The following SUGT1 variants were observed in gnomAD, a reference collection of about 807,000 sequenced individuals.
SUGT1 encodes protein SGT1 homolog.
A neutral mutation model predicts 56.1 loss-of-function variants in SUGT1; 15 were observed. The ratio of observed to expected loss-of-function variants is 0.27; its 90% confidence interval spans 0.18 to 0.41. The LOEUF (loss-of-function observed/expected upper bound fraction) is 0.41. SUGT1 is among the 10% of genes least tolerant of loss of function. The probability of loss-of-function intolerance (pLI) is 1.00; values close to 1 mark genes in which losing one functional copy is unlikely to be tolerated. For synonymous variants in SUGT1, 123 were observed against 128.6 expected, an observed-to-expected ratio of 0.96 and a Z score of 0.30; for missense variants, 347 against 382.2, an observed-to-expected ratio of 0.91 and a Z score of 0.77.
chr13:52,658,963 A>G (rs989928739), intron 4 of SUGT1, among the ~76,000 whole-genome samples: 3 of 152,106 alleles, frequency 2.0e-5, no homozygotes, highest in Non-Finnish European at 4.4e-5. Flanking sequence ...CTGTACAATT[A>G]AAGTCAGATT....
intron 8 of SUGT1, among the ~76,000 whole-genome samples, chr13:52,664,535 G>T (rs1214908033): frequency 6.6e-6 from 1 of 152,176 alleles, no homozygotes; most frequent in Non-Finnish European, 1.5e-5. Context: ...ATTAGCCTGT[G>T]TACAGCTTGT....
At chr13:52,657,378 C>T (rs1224079439) in intron 2 of SUGT1, among the ~76,000 whole-genome samples, 154 bp from the exon 3 acceptor site, 1 of 152,114 alleles carries the variant, frequency 6.6e-6, no homozygotes, top group Non-Finnish European at 1.5e-5. Flanking sequence ...AGATATTGAT[C>T]CTTTTATAAG....
In SUGT1 at chr13:52,696,206, A is replaced by G. The variant is rs922771726; in HGVS notation, c.*8371A>G. 1 of 152,100 alleles carries G rather than the reference A, an allele frequency of 6.6e-6. No individual in the cohort carries two copies. The highest frequency in any genetic ancestry group is 2.4e-5 in the African/African-American group (1 of 41,390). 9.4% of individuals were successfully genotyped at this position (152,100 alleles called of 1,614,324 possible). The stretch of plus-strand genomic sequence containing the variant: ...AGAACAGGCTCCCAGAATTGGATGG[A>G]TTTGCTCATGGTCTTATCACTGCAC... On this transcript the variant is annotated 3_prime_UTR_variant, in exon 13 of 13. Transcript: ENST00000310528.
At chr13:52,673,754 G>A (rs1424875560) in intron 10 of SUGT1, among the ~76,000 whole-genome samples, 1 of 152,122 alleles carries the variant, frequency 6.6e-6, no homozygotes, top group Non-Finnish European at 1.5e-5. Context: ...TACTTTCCAG[G>A]CCCTCATTTT....
intron 8 of SUGT1, among the ~76,000 whole-genome samples, chr13:52,664,653 T>G (rs1962609710): frequency 6.6e-6 from 1 of 152,088 alleles, no homozygotes; most frequent in Non-Finnish European, 1.5e-5. Flanking sequence ...TTAATCAAGG[T>G]GGTTTTGGAT....
At chr13:52,666,747 G>C in intron 9 of SUGT1, 65 bp from the exon 10 acceptor site, 1 of 987,864 alleles carries the variant, frequency 1.0e-6, no homozygotes, top group South Asian at 1.4e-5. Flanking sequence ...TCATTATTTT[G>C]TGTAGGTTTT....
chr13:52,661,063 C>T (rs560205070), intron 5 of SUGT1, among the ~76,000 whole-genome samples: 13 of 152,184 alleles, frequency 8.5e-5, no homozygotes, highest in Non-Finnish European at 1.0e-4. Context: ...CTGCCTGCCT[C>T]GGCCTCTGAA....
chr13:52,681,071 C>T (rs1168435108), intron 12 of SUGT1, among the ~76,000 whole-genome samples: 3 of 152,120 alleles, frequency 2.0e-5, no homozygotes, highest in Non-Finnish European at 4.4e-5. Flanking sequence ...CTCCTGGCTT[C>T]AAGCAATCTA....
intron 8 of SUGT1, 125 bp from the exon 9 acceptor site, chr13:52,665,512 G>GTAGT (rs35325503): frequency 0.95 from 594,663 of 625,124 alleles, 283,120 homozygotes; most frequent in East Asian, 0.99. Context: ...CTGTGAATCA[G>GTAGT]TAGTTGCTTT....
Position 52,690,503 on chromosome 13 carries a change from A to G in SUGT1, c.*2668A>G, listed in dbSNP as rs1469218348. 6.6e-6 allele frequency: 1 copy of G among 152,164 alleles called. No homozygotes were observed. Among genetic ancestry groups the G allele is most frequent in the Non-Finnish European group, 1.5e-5 (1 of 68,036 alleles). The allele number at this position is 152,164 out of a possible 1,614,324, so 9.4% of individuals were successfully genotyped here. The stretch of plus-strand genomic sequence containing the variant: ...TTTCCCTTTTAAGGTTAGTCCTGGA[A>G]TACATGTTTTTCTTGGTCTTGTAGA... On this transcript the variant is annotated 3_prime_UTR_variant, in exon 13 of 13. Transcript: ENST00000310528.
intron 8 of SUGT1, among the ~76,000 whole-genome samples, chr13:52,665,256 T>C (rs1274500081): frequency 6.6e-6 from 1 of 152,212 alleles, no homozygotes; most frequent in African/African-American, 2.4e-5. Context: ...TTTAAGTGTT[T>C]ATCTGTAGTA....
intron 9 of SUGT1, among the ~76,000 whole-genome samples, chr13:52,665,954 G>C (rs941554579): frequency 6.6e-6 from 1 of 152,186 alleles, no homozygotes; most frequent in African/African-American, 2.4e-5. Flanking sequence ...GAAATTTAAA[G>C]CAGAATTTGG....
intron 5 of SUGT1, among the ~76,000 whole-genome samples, chr13:52,660,370 A>G (rs986802857): frequency 6.6e-6 from 1 of 152,186 alleles, no homozygotes; most frequent in Non-Finnish European, 1.5e-5. Flanking sequence ...TGCTACTGAC[A>G]TCTAATGAGT....
intron 2 of SUGT1, among the ~76,000 whole-genome samples, chr13:52,654,556 T>A (rs577533503): frequency 2.0e-5 from 3 of 152,218 alleles, no homozygotes; most frequent in Admixed American, 6.5e-5. Flanking sequence ...ACAGAGTATC[T>A]CCATTCATAA....
rs934693857 is a variant in SUGT1, at chr13:52,696,837, C to T, written c.*9002C>T. 9 of 149,336 alleles carry T rather than the reference C, an allele frequency of 6.0e-5. No individual in the cohort carries two copies. The highest frequency in any genetic ancestry group is 2.1e-4 in the South Asian group (1 of 4,734). The allele number at this position is 149,336 out of a possible 1,614,324, so 9.3% of individuals were successfully genotyped here. A position where few individuals can be genotyped will look rare whatever the true frequency, so the allele number is the denominator to read the frequency against. On this transcript the variant is annotated 3_prime_UTR_variant, in exon 13 of 13. Coordinates refer to ENST00000310528, the MANE Select transcript of SUGT1 (RefSeq NM_006704.5). Reference sequence around the variant, plus strand: ...TAAGTAGGTTTTTAACCCACAGCCACGAGAGCTAATTTTAACTACATTGTT... The same window carrying T: ...TAAGTAGGTTTTTAACCCACAGCCATGAGAGCTAATTTTAACTACATTGTT...
intron 10 of SUGT1, among the ~76,000 whole-genome samples, chr13:52,671,637 G>C (rs185354866): frequency 6.6e-6 from 1 of 152,130 alleles, no homozygotes; most frequent in Non-Finnish European, 1.5e-5. Flanking sequence ...TGAGGATATT[G>C]ATAATAGCAT....
At chr13:52,661,266 C>CT (rs1251707528) in intron 5 of SUGT1, among the ~76,000 whole-genome samples, 1 of 151,826 alleles carries the variant, frequency 6.6e-6, no homozygotes, top group East Asian at 1.9e-4. Flanking sequence ...ATCCAGGAAA[C>CT]TTTTTTTGTT....
intron 12 of SUGT1, 108 bp from the exon 13 acceptor site, chr13:52,687,626 G>A: frequency 1.5e-6 from 1 of 669,760 alleles, no homozygotes. Flanking sequence ...ATATTGAGCT[G>A]TATATAATAG....
chr13:52,682,076 A>G (rs1963399416), intron 12 of SUGT1, among the ~76,000 whole-genome samples: 1 of 152,088 alleles, frequency 6.6e-6, no homozygotes. Flanking sequence ...ATTAAGTCTA[A>G]TTTACCGCTT....
Sources: allele counts gnomAD v4.1 joint callset (sites outside exome capture counted in the v4.1 genomes callset), GRCh38; gene constraint gnomAD v4.1.1; transcripts MANE v1.5; gene names NCBI Gene and HGNC (gene_info 2026-07-23, HGNC 2026-07-21).